The following GPHN variants were observed in gnomAD, a reference collection of about 807,000 sequenced individuals.
GPHN encodes the protein gephyrin.
Under a neutral mutation model 95.5 loss-of-function variants are expected in GPHN, and 17 were observed. The ratio of observed to expected loss-of-function variants is 0.18; its 90% CI spans 0.12 to 0.27. The LOEUF is 0.27. Ranked by LOEUF, GPHN falls within the 10% of genes least tolerant of loss-of-function variation. GPHN has a pLI of 1.00. For missense variants in GPHN, 660 were observed against 978.1 expected (o/e 0.67, Z 4.34); for synonymous variants, 320 against 322.5 (o/e 0.99, Z 0.08).
the GPHN span, chr14:67,323,615 A>AATATATATATATTAGATTAT: frequency 5.3e-4 from 137 of 260,282 alleles, no homozygotes; most frequent in Non-Finnish European, 3.7e-4. Context: ...CCCTTAATCT[A>AATATATATATATTAGATTAT]ATATATATAT....
chr14:67,325,980 T>TTTC, the GPHN span, among the ~76,000 whole-genome samples: 1 of 68,116 alleles, frequency 1.5e-5, no homozygotes, highest in African/African-American at 1.9e-4. Flanking sequence ...GGCTCTTTTC[T>TTTC]TTTTTTTTTT....
chr14:66,621,053 C>G (rs2063270304), intron 1 of GPHN, among the ~76,000 whole-genome samples: 1 of 151,968 alleles, frequency 6.6e-6, no homozygotes, highest in South Asian at 2.1e-4. Flanking sequence ...CAAGCTCTGC[C>G]TCCCGGGTTC....
At position 67,035,326 on chromosome 14, in the gene GPHN, C is replaced by T. The variant is rs573084154; in HGVS notation, c.1006+11651C>T. Among the ~76,000 whole-genome samples, 364 of 151,648 alleles carry T rather than the reference C, an allele frequency of 2.4e-3. 4 individuals carry two copies. Among genetic ancestry groups the T allele is most frequent in the African/African-American group, 8.3e-3 (343 of 41,400 alleles). On this transcript the variant is annotated intron_variant, in intron 10 of 22. Coordinates refer to ENST00000478722, the MANE Select transcript of GPHN (RefSeq NM_020806.5). Reference sequence around the variant, plus strand: ...TCAAATCAGCAACCTAACTTTTTACCTCAAGGAATGAGAAATAGAATAAAC... The same window carrying T: ...TCAAATCAGCAACCTAACTTTTTACTTCAAGGAATGAGAAATAGAATAAAC...
At chr14:67,446,669 G>A in the GPHN span, among the ~76,000 whole-genome samples, 6 of 152,184 alleles carry the variant, frequency 3.9e-5, no homozygotes, top group South Asian at 4.1e-4. Flanking sequence ...GTGACATGGC[G>A]CAGAGCAGGG....
the GPHN span, among the ~76,000 whole-genome samples, chr14:67,460,704 AAAAC>A: frequency 2.0e-5 from 3 of 152,188 alleles, no homozygotes; most frequent in Non-Finnish European, 4.4e-5. Context: ...TCCGTCTCAA[AAAAC>A]AAACAAACAA....
At chr14:66,686,841 G>A (rs2067395871) in intron 2 of GPHN, among the ~76,000 whole-genome samples, 1 of 152,084 alleles carries the variant, frequency 6.6e-6, no homozygotes, top group Non-Finnish European at 1.5e-5. Flanking sequence ...TTTTTAAAGA[G>A]AATGCTTCCA....
chr14:67,441,208 G>T, the GPHN span, among the ~76,000 whole-genome samples: 4 of 152,160 alleles, frequency 2.6e-5, no homozygotes, highest in African/African-American at 2.4e-5. Flanking sequence ...GTCCAAGTTC[G>T]TGCTTCTCTG....
At chr14:66,981,595 AT>A (rs2070680403) in intron 9 of GPHN, among the ~76,000 whole-genome samples, 1 of 152,172 alleles carries the variant, frequency 6.6e-6, no homozygotes, top group African/African-American at 2.4e-5. Context: ...TTCATTGATA[AT>A]CATAATTTTT....
intron 10 of GPHN, among the ~76,000 whole-genome samples, chr14:67,045,453 GTC>G (rs1015110249): frequency 6.8e-6 from 1 of 146,810 alleles, no homozygotes; most frequent in Non-Finnish European, 1.5e-5. Flanking sequence ...CTCTGTCTCT[GTC>G]TCTCTCTGTC....
At chr14:66,669,683 C>T (rs924798366) in intron 1 of GPHN, among the ~76,000 whole-genome samples, 8 of 151,610 alleles carry the variant, frequency 5.3e-5, no homozygotes, top group African/African-American at 1.7e-4. Flanking sequence ...TGATTGTTTT[C>T]GCATGTTTCT....
At chr14:67,529,138 T>A in the GPHN span, among the ~76,000 whole-genome samples, 12,538 of 152,196 alleles carry the variant, frequency 0.082, 653 homozygotes, top group Middle Eastern at 0.14. Context: ...GGCAGGCCCT[T>A]TATCTCCATC....
chr14:67,694,726 G>A, the GPHN span, among the ~76,000 whole-genome samples: 14 of 151,990 alleles, frequency 9.2e-5, no homozygotes, highest in South Asian at 4.1e-4. Flanking sequence ...ACTGGAAGAG[G>A]GGCACCAGAG....
At chr14:67,117,989 A>G (rs2078787612) in intron 16 of GPHN, among the ~76,000 whole-genome samples, 1 of 152,206 alleles carries the variant, frequency 6.6e-6, no homozygotes, top group South Asian at 2.1e-4. Flanking sequence ...TACAAAGACC[A>G]CCAGGGAAAC....
chr14:67,104,885 G>C (rs2077949508), intron 13 of GPHN, among the ~76,000 whole-genome samples: 1 of 151,648 alleles, frequency 6.6e-6, no homozygotes, highest in African/African-American at 2.4e-5. Context: ...TCTGATTTTG[G>C]ATCTGGTTTG....
At chr14:67,021,867 G>A (rs992867184) in intron 9 of GPHN, among the ~76,000 whole-genome samples, 2 of 152,030 alleles carry the variant, frequency 1.3e-5, no homozygotes, top group African/African-American at 4.8e-5. Context: ...ATTGCTTTGC[G>A]CTATGGGTTT....
the GPHN span, among the ~76,000 whole-genome samples, chr14:67,698,788 G>A: frequency 6.6e-6 from 1 of 152,152 alleles, no homozygotes; most frequent in East Asian, 1.9e-4. Flanking sequence ...TGTGAAAGCA[G>A]CCATAGATAA....
chr14:66,576,288 G>A (rs1233359842), intron 1 of GPHN, among the ~76,000 whole-genome samples: 1 of 152,148 alleles, frequency 6.6e-6, no homozygotes, highest in Non-Finnish European at 1.5e-5. Flanking sequence ...ACTTTTTAAA[G>A]GAAGTGTAAT....
rs917785492 is a variant in GPHN, at chr14:66,932,456, T to G, written c.828+8164T>G. On this transcript the variant is annotated intron_variant, in intron 8 of 22. Transcript: ENST00000478722. ...CTGCCAAGACCAGGTTTTTTTTTTT[T>G]TTTTTTTTTTTTTTTTTTTTTTTTC... Among the ~76,000 whole-genome samples the G allele has an allele frequency of 1.0e-4, 13 of 124,074 alleles. No homozygotes were observed. The South Asian group carries it at 1.3e-3, about 12-fold the overall frequency. 81.4% of individuals were successfully genotyped at this position (124,074 alleles called of 152,430 possible).
chr14:67,278,930 G>A, the GPHN span: 4,206 of 325,368 alleles, frequency 0.013, 38 homozygotes, highest in Non-Finnish European at 0.017. Flanking sequence ...TATTTTCTAC[G>A]TTGTATGGTG....
Sources: gnomAD v4.1 joint callset for allele counts (sites outside exome capture counted in the v4.1 genomes callset) on GRCh38, gnomAD v4.1.1 for gene constraint, MANE v1.5 for transcripts, NCBI Gene and HGNC (gene_info 2026-07-23, HGNC 2026-07-21) for gene names.